The following SMCO2 variants were observed in gnomAD, a reference collection of about 807,000 sequenced individuals.
SMCO2 encodes the protein single-pass membrane and coiled-coil domain-containing protein 2.
SMCO2 carries 25 observed loss-of-function variants against 29.5 expected under a neutral mutation model. The observed-to-expected ratio is 0.85, with a 90% CI of 0.62 to 1.18. The LOEUF (loss-of-function observed/expected upper bound fraction) is 1.18, where lower values mean the gene tolerates loss of function less well. SMCO2 is among the 50% of genes most tolerant of loss of function. SMCO2 has a pLI of 0.00. For synonymous variants in SMCO2, 117 were observed against 123.3 expected, an observed-to-expected ratio of 0.95 and a Z score of 0.34; for missense variants, 348 against 344.5, an observed-to-expected ratio of 1.01 and a Z score of -0.08.
chr12:27,449,833 C>A, the SMCO2 span, among the ~76,000 whole-genome samples: 1 of 152,132 alleles, frequency 6.6e-6, no homozygotes, highest in Admixed American at 6.5e-5. Context: ...ATTAGAGAAC[C>A]AAAAGGAGGG....
At chr12:27,479,647 G>GGGGTCCC (rs1949623273) in intron 4 of SMCO2, among the ~76,000 whole-genome samples, 1 of 152,138 alleles carries the variant, frequency 6.6e-6, no homozygotes, top group South Asian at 2.1e-4. Context: ...CCAGTGGGAG[G>GGGGTCCC]TAACTGAATC....
At chr12:27,501,814 G>GA in intron 7 of SMCO2, 109 bp from the exon 9 acceptor site, 1 of 809,184 alleles carries the variant, frequency 1.2e-6, no homozygotes, top group Non-Finnish European at 1.8e-6. Flanking sequence ...GAAGTCAAGA[G>GA]AAAATTACTT....
At chr12:27,461,043 G>A in the SMCO2 span, among the ~76,000 whole-genome samples, 1 of 151,996 alleles carries the variant, frequency 6.6e-6, no homozygotes, top group Non-Finnish European at 1.5e-5. Flanking sequence ...CCTCCTTTCT[G>A]AAATCCAGAA....
At chr12:27,474,176 G>T (rs1044479045) in intron 3 of SMCO2, among the ~76,000 whole-genome samples, 1 of 152,122 alleles carries the variant, frequency 6.6e-6, no homozygotes, top group African/African-American at 2.4e-5. Context: ...CTTAAAAGTA[G>T]GTCAAAGACA....
intron 3 of SMCO2, 47 bp downstream of exon 3, chr12:27,472,922 G>C (rs1195314092): frequency 1.5e-6 from 2 of 1,365,524 alleles, no homozygotes; most frequent in Non-Finnish European, 2.0e-6. Flanking sequence ...TGACACAGTA[G>C]GTTGAAGAGA....
chr12:27,433,506 TACACAC>T, the SMCO2 span, among the ~76,000 whole-genome samples: 85,623 of 147,820 alleles, frequency 0.58, 25,100 homozygotes, highest in Middle Eastern at 0.71. Context: ...CAGATGTGTA[TACACAC>T]ACACACACAC....
the SMCO2 span, among the ~76,000 whole-genome samples, chr12:27,434,886 T>C: frequency 6.6e-6 from 1 of 152,280 alleles, no homozygotes; most frequent in Admixed American, 6.5e-5. Context: ...TGTAGGAAGC[T>C]GTCTGCTACA....
At chr12:27,430,361 T>C in the SMCO2 span, among the ~76,000 whole-genome samples, 11 of 152,178 alleles carry the variant, frequency 7.2e-5, no homozygotes, top group Admixed American at 7.2e-4. Flanking sequence ...AACTATAAAA[T>C]ATAGTTCTAT....
At chr12:27,491,710 C>CTT (rs370875488) in intron 5 of SMCO2, among the ~76,000 whole-genome samples, 5,292 of 143,532 alleles carry the variant, frequency 0.037, 114 homozygotes, top group Middle Eastern at 0.058. Context: ...ATATATAGAT[C>CTT]TTTTTTTTTT....
At chr12:27,440,919 A>C in the SMCO2 span, among the ~76,000 whole-genome samples, 1 of 152,174 alleles carries the variant, frequency 6.6e-6, no homozygotes. Flanking sequence ...GTCCTTACTT[A>C]TCAATACTAA....
chr12:27,427,508 A>G, the SMCO2 span, among the ~76,000 whole-genome samples: 1 of 152,086 alleles, frequency 6.6e-6, no homozygotes, highest in Non-Finnish European at 1.5e-5. Flanking sequence ...AGGCCTACCT[A>G]CTTATTTTGC....
At chr12:27,489,414 C>T (rs952381486) in intron 5 of SMCO2, among the ~76,000 whole-genome samples, 1 of 152,068 alleles carries the variant, frequency 6.6e-6, no homozygotes, top group African/African-American at 2.4e-5. Context: ...ACTTGTGACA[C>T]AAGTTAGATT....
chr12:27,454,866 G>C, the SMCO2 span, among the ~76,000 whole-genome samples: 1 of 151,826 alleles, frequency 6.6e-6, no homozygotes, highest in Non-Finnish European at 1.5e-5. Context: ...GAGAATGATG[G>C]CTTCTAGCTT....
At chr12:27,494,487 T>TTTA (rs60980302) in intron 6 of SMCO2, 131 bp downstream of exon 7, 13,613 of 175,888 alleles carry the variant, frequency 0.077, 492 homozygotes, top group Middle Eastern at 0.13. Flanking sequence ...TTTAATTTAA[T>TTTA]TTATTATTAT....
chr12:27,458,140 T>G, the SMCO2 span, among the ~76,000 whole-genome samples: 1 of 152,160 alleles, frequency 6.6e-6, no homozygotes, highest in Admixed American at 6.5e-5. Context: ...AAAACCTAGT[T>G]TTTAATCTAA....
In SMCO2 at chr12:27,497,315, G is replaced by C. The variant is rs559814287; in HGVS notation, c.683+1460G>C. 1.9e-4 allele frequency: 31 copies of C among 159,694 alleles called. 2 individuals carry two copies. The highest frequency in any genetic ancestry group is 7.2e-4 in the African/African-American group (29 of 40,358). 9.9% of individuals were successfully genotyped at this position (159,694 alleles called of 1,614,324 possible). On this transcript the variant is annotated intron_variant, in intron 7 of 7. Coordinates refer to ENST00000298876, the Ensembl canonical transcript of SMCO2. ...TGATGCTCTGGACATCTCTTTAATAGATAAAGAATAATTCTTCTGTCAAGA... is the reference window on the plus strand; with the variant it reads ...TGATGCTCTGGACATCTCTTTAATACATAAAGAATAATTCTTCTGTCAAGA...
chr12:27,432,957 C>G, the SMCO2 span, among the ~76,000 whole-genome samples: 1 of 152,062 alleles, frequency 6.6e-6, no homozygotes, highest in African/African-American at 2.4e-5. Flanking sequence ...TATTAAAATA[C>G]TATGAAATTA....
At chr12:27,426,783 G>A in the SMCO2 span, among the ~76,000 whole-genome samples, 59 of 152,226 alleles carry the variant, frequency 3.9e-4, no homozygotes, top group African/African-American at 1.4e-3. Flanking sequence ...ATAACCAATG[G>A]GAAAGCGTTA....
chr12:27,445,891 CT>C, the SMCO2 span, among the ~76,000 whole-genome samples: 2 of 151,664 alleles, frequency 1.3e-5, no homozygotes, highest in African/African-American at 4.8e-5. Context: ...TTTTCTTTTT[CT>C]TTTTCTTTCT....
Sources: gnomAD v4.1 joint callset for allele counts (sites outside exome capture counted in the v4.1 genomes callset) on GRCh38, gnomAD v4.1.1 for gene constraint, MANE v1.5 for transcripts, NCBI Gene and HGNC (gene_info 2026-07-23, HGNC 2026-07-21) for gene names.